KDM4B: variants seen among roughly 807,000 people sequenced by gnomAD.
KDM4B encodes lysine demethylase 4B.
In KDM4B, 32 loss-of-function variants were observed where a neutral mutation model predicts 125.2. That is an observed-to-expected ratio of 0.26 (90% CI 0.19 to 0.34). The LOEUF (loss-of-function observed/expected upper bound fraction) is 0.34, where lower values mean the gene tolerates loss of function less well. Among genes scored for constraint, KDM4B ranks in the 10% least tolerant of loss-of-function variants. KDM4B has a pLI of 1.00. For missense variants in KDM4B, 1,190 were observed against 1,577.7 expected, an observed-to-expected ratio of 0.75 and a Z score of 4.16; for synonymous variants, 721 against 677.9, an observed-to-expected ratio of 1.06 and a Z score of -0.99.
chr19:5,109,693 T>G (rs2039102651), intron 9 of KDM4B, among the ~76,000 whole-genome samples: 1 of 152,172 alleles, frequency 6.6e-6, no homozygotes, highest in Non-Finnish European at 1.5e-5. Flanking sequence ...CCTCAGCATC[T>G]TCTTCGTTAA....
intron 11 of KDM4B, among the ~76,000 whole-genome samples, chr19:5,122,811 C>T (rs1313260429): frequency 6.6e-6 from 1 of 152,244 alleles, no homozygotes; most frequent in Admixed American, 6.5e-5. Context: ...GCTGCAGACA[C>T]GCTGCTGTGT....
chr19:5,046,573 A>G lies in KDM4B; in HGVS notation c.433-903A>G, dbSNP rs1013302684. ...GCTCCTCTCGGCCTCTCAGCAGGCC[A>G]TGAGCCTCTCCGGGGACTGCAGTGA... On this transcript the variant is annotated intron_variant, in intron 5 of 22. Coordinates refer to ENST00000159111, the MANE Select transcript of KDM4B (RefSeq NM_015015.3). Among the ~76,000 whole-genome samples, 6 of 152,216 alleles carry G rather than the reference A, an allele frequency of 3.9e-5. No individual in the cohort carries two copies. The East Asian group carries it at 9.6e-4, about 24-fold the overall frequency.
chr19:5,061,958 C>G (rs911859653), intron 6 of KDM4B, among the ~76,000 whole-genome samples: 1 of 152,170 alleles, frequency 6.6e-6, no homozygotes, highest in African/African-American at 2.4e-5. Flanking sequence ...GCAGCCCAGG[C>G]TGGGCTCCAT....
chr19:5,114,143 T>C lies in KDM4B; in HGVS notation c.1115+3325T>C. On this transcript the variant is annotated intron_variant, in intron 10 of 22. Coordinates refer to ENST00000159111, the MANE Select transcript of KDM4B (RefSeq NM_015015.3). The surrounding 1 kb of genome is among the most constrained non-coding windows in gnomAD (Gnocchi z 5.8). ...CCTGCCTGAGCCGGAGCCCTCACAG[T>C]GCTCTCTGGCACCCACGCGACGCTC... The C allele has an allele frequency of 7.8e-7, 1 of 1,289,428 alleles. No individual in the cohort carries two copies. Among genetic ancestry groups the C allele is most frequent in the Non-Finnish European group, 1.0e-6 (1 of 988,768 alleles). 79.9% of individuals were successfully genotyped at this position (1,289,428 alleles called of 1,614,324 possible). A position where few individuals can be genotyped will look rare whatever the true frequency, so the allele number is the denominator to read the frequency against.
intron 7 of KDM4B, among the ~76,000 whole-genome samples, chr19:5,073,136 A>T (rs982261882): frequency 6.6e-6 from 1 of 152,206 alleles, no homozygotes; most frequent in Non-Finnish European, 1.5e-5. Flanking sequence ...CCCTTTCAGC[A>T]TGGAAGGTAC....
intron 4 of KDM4B, among the ~76,000 whole-genome samples, chr19:5,040,293 C>G (rs1568248760): frequency 6.6e-6 from 1 of 152,304 alleles, no homozygotes; most frequent in East Asian, 1.9e-4. Flanking sequence ...TCCTCCACAC[C>G]CTCCTGTGAC....
At position 5,119,649 on chromosome 19, in the gene KDM4B, C is replaced by A. The variant is rs767152931; in HGVS notation, c.1116-4C>A. On this transcript the variant is annotated splice_region_variant and splice_polypyrimidine_tract_variant and intron_variant, in intron 10 of 22. Coordinates refer to ENST00000159111, the MANE Select transcript of KDM4B (RefSeq NM_015015.3). ...CCTCCTGCCTGATAAACCTCCCTCT[C>A]CAGGTCTCACCGGAAACGGAGCCAG... 2 of 1,553,996 alleles carry A rather than the reference C, an allele frequency of 1.3e-6. No individual in the cohort carries two copies.
intron 11 of KDM4B, among the ~76,000 whole-genome samples, chr19:5,127,406 C>CT (rs2039467854): frequency 6.6e-6 from 1 of 152,162 alleles, no homozygotes; most frequent in South Asian, 2.1e-4. Flanking sequence ...ACAGGGTCCC[C>CT]TGTGTGTCTG....
At chr19:5,068,107 T>TC (rs1347568746) in intron 6 of KDM4B, among the ~76,000 whole-genome samples, 1 of 149,888 alleles carries the variant, frequency 6.7e-6, no homozygotes, top group Non-Finnish European at 1.5e-5. Flanking sequence ...TTTTTTTTTT[T>TC]CCCTCCAGAG....
chr19:5,043,492 C>T (rs111359012), intron 5 of KDM4B, among the ~76,000 whole-genome samples: 15,358 of 136,594 alleles, frequency 0.11, 1,023 homozygotes, highest in Middle Eastern at 0.21. Flanking sequence ...CACCTTATCC[C>T]GTGCTGTGTT....
At chr19:5,044,847 ACAGTCGG>A (rs1690656363) in intron 5 of KDM4B, among the ~76,000 whole-genome samples, 1 of 152,146 alleles carries the variant, frequency 6.6e-6, no homozygotes, top group Admixed American at 6.5e-5. Flanking sequence ...CTGGAATCCT[ACAGTCGG>A]TAGCCTTTTC....
At chr19:5,049,638 T>C (rs1024310068) in intron 6 of KDM4B, among the ~76,000 whole-genome samples, 2 of 151,858 alleles carry the variant, frequency 1.3e-5, no homozygotes, top group African/African-American at 4.8e-5. Context: ...CCTTCCCTGC[T>C]CTCTCACCAG....
rs184105659 is a variant in KDM4B at position 5,031,675 on chromosome 19, G to A, written c.-25-1191G>A. Among the ~76,000 whole-genome samples the A allele has an allele frequency of 4.1e-3, 624 of 152,346 alleles. 4 individuals are homozygous for A. Among genetic ancestry groups the A allele is most frequent in the Admixed American group, 0.012 (179 of 15,312 alleles). ...CCAAGGCAGTAGGTGGAGGCCAGGGGGCGACCTCGGCTTTGCTTTTGTCAG... is the reference window on the plus strand; with the variant it reads ...CCAAGGCAGTAGGTGGAGGCCAGGGAGCGACCTCGGCTTTGCTTTTGTCAG... On this transcript the variant is annotated intron_variant, in intron 2 of 22. Coordinates refer to ENST00000159111, the MANE Select transcript of KDM4B (RefSeq NM_015015.3).
chr19:4,972,995 C>G (rs776480685), intron 1 of KDM4B, among the ~76,000 whole-genome samples: 8 of 152,184 alleles, frequency 5.3e-5, no homozygotes, highest in Non-Finnish European at 1.0e-4. Context: ...TTGGCAGGTC[C>G]TTGCCCAGGC....
Position 5,047,813 on chromosome 19 carries a change from C to T in KDM4B, c.626+144C>T, listed in dbSNP as rs574134476. 3.0e-5 allele frequency: 23 copies of T among 770,164 alleles called. 3 individuals are homozygous for T. The highest frequency in any genetic ancestry group is 1.4e-4 in the African/African-American group (8 of 57,138). 47.7% of individuals were successfully genotyped at this position (770,164 alleles called of 1,614,324 possible). ...CGGCCTATGACGGCTGGAGATCTTCCGGACCGCCTGGGGTCACCCACCAGC... is the reference window on the plus strand; with the variant it reads ...CGGCCTATGACGGCTGGAGATCTTCTGGACCGCCTGGGGTCACCCACCAGC... On this transcript the variant is annotated intron_variant, in intron 6 of 22. Transcript: ENST00000159111.
intron 2 of KDM4B, among the ~76,000 whole-genome samples, chr19:5,018,501 A>G (rs2035962163): frequency 6.6e-6 from 1 of 152,222 alleles, no homozygotes; most frequent in African/African-American, 2.4e-5. Flanking sequence ...AGGGCAAACC[A>G]TGTGGGCTTG....
intron 6 of KDM4B, among the ~76,000 whole-genome samples, chr19:5,058,043 C>A (rs1371094917): frequency 6.6e-6 from 1 of 152,244 alleles, no homozygotes; most frequent in Non-Finnish European, 1.5e-5. Flanking sequence ...CTTCTGCCCA[C>A]ACCTCATTGG....
At chr19:5,135,163 G>C (rs1297741172) in intron 14 of KDM4B, among the ~76,000 whole-genome samples, 176 bp from the exon 15 acceptor site, 1 of 152,212 alleles carries the variant, frequency 6.6e-6, no homozygotes, top group Non-Finnish European at 1.5e-5. Context: ...TGGGGATCCT[G>C]ACTTTCTGGA....
At chr19:5,016,221 A>G (rs1479364107) in intron 1 of KDM4B, 36 bp from the exon 2 acceptor site, 2 of 152,264 alleles carry the variant, frequency 1.3e-5, no homozygotes, top group East Asian at 3.8e-4. Context: ...GCGTGCCATC[A>G]GTTTAGTTAA....
Sources: allele counts gnomAD v4.1 joint callset (sites outside exome capture counted in the v4.1 genomes callset), GRCh38; gene constraint gnomAD v4.1.1; non-coding constraint Gnocchi (gnomAD v3.1); transcripts MANE v1.5; gene names NCBI Gene and HGNC (gene_info 2026-07-23, HGNC 2026-07-21).